LRP1B: variants seen among roughly 807,000 people sequenced by gnomAD.
LRP1B encodes low-density lipoprotein receptor-related protein 1B.
A neutral mutation model predicts 556.6 loss-of-function variants in LRP1B; 217 were observed. That is an observed-to-expected ratio of 0.39 (90% CI 0.35 to 0.44). The LOEUF (loss-of-function observed/expected upper bound fraction) is 0.44. Ranked by LOEUF, LRP1B falls within the 20% of genes least tolerant of loss-of-function variation. The probability of loss-of-function intolerance (pLI) is 1.00; values close to 1 mark genes in which losing one functional copy is unlikely to be tolerated. For synonymous variants in LRP1B, 2,047 were observed against 1,865.8 expected, an observed-to-expected ratio of 1.10 and a Z score of -2.50; for missense variants, 5,053 against 5,620.8, an observed-to-expected ratio of 0.90 and a Z score of 3.23.
intron 79 of LRP1B, among the ~76,000 whole-genome samples, chr2:140,330,477 A>G (rs1431971265): frequency 6.6e-6 from 1 of 151,888 alleles, no homozygotes; most frequent in Non-Finnish European, 1.5e-5. Flanking sequence ...TGGGGAAAGG[A>G]GTTTGTATTT....
intron 2 of LRP1B, among the ~76,000 whole-genome samples, chr2:141,557,925 C>T (rs531932207): frequency 1.3e-5 from 2 of 151,904 alleles, no homozygotes; most frequent in South Asian, 4.1e-4. Context: ...CCTTATTCAG[C>T]CACAGCCACC....
At chr2:141,536,582 TGA>T (rs952015966) in intron 2 of LRP1B, among the ~76,000 whole-genome samples, 1 of 152,070 alleles carries the variant, frequency 6.6e-6, no homozygotes, top group African/African-American at 2.4e-5. Context: ...TAGAAATTCA[TGA>T]GAGGGTCAAG....
chr2:141,573,213 G>A (rs1686599444), intron 2 of LRP1B, among the ~76,000 whole-genome samples: 1 of 152,116 alleles, frequency 6.6e-6, no homozygotes, highest in Non-Finnish European at 1.5e-5. Flanking sequence ...ACACTCCTCA[G>A]CAAATGCAAA....
chr2:140,267,248 T>C (rs769144965), intron 86 of LRP1B, among the ~76,000 whole-genome samples: 3 of 151,992 alleles, frequency 2.0e-5, no homozygotes, highest in Non-Finnish European at 4.4e-5. Context: ...AGTAAAGGAA[T>C]TGATGAATAA....
chr2:140,849,385 A>C (rs1449468224), intron 29 of LRP1B, among the ~76,000 whole-genome samples: 3 of 74,920 alleles, frequency 4.0e-5, no homozygotes, highest in Non-Finnish European at 6.2e-5. Flanking sequence ...AAAAAAACAA[A>C]AAACAAAAAA....
At chr2:140,732,150 G>C (rs961783347) in intron 35 of LRP1B, among the ~76,000 whole-genome samples, 19 of 151,648 alleles carry the variant, frequency 1.3e-4, no homozygotes, top group African/African-American at 4.4e-4. Context: ...ATGGGTACGT[G>C]GGAGGGGTTC....
intron 43 of LRP1B, among the ~76,000 whole-genome samples, chr2:140,553,891 G>T (rs2105058084): frequency 6.6e-6 from 1 of 152,118 alleles, no homozygotes. Flanking sequence ...TTTAAAGAAT[G>T]AATCCCTTTG....
rs1446410743 is a variant in LRP1B at position 140,233,155 on chromosome 2, C to T, written c.*31G>A. ...ACAAAAGTAATCCTTATATTTTATA[C>T]ATTTATACAGCATATAAAAGATATC... On this transcript the variant is annotated 3_prime_UTR_variant, in exon 91 of 91. Transcript: ENST00000389484. 4 of 1,440,130 alleles carry T rather than the reference C, an allele frequency of 2.8e-6. No individual in the cohort carries two copies. In the African/African-American group the frequency reaches 4.3e-5, roughly 15 times the overall value. The allele number at this position is 1,440,130 out of a possible 1,614,324, so 89.2% of individuals were successfully genotyped here. A position where few individuals can be genotyped will look rare whatever the true frequency, so the allele number is the denominator to read the frequency against.
intron 86 of LRP1B, among the ~76,000 whole-genome samples, chr2:140,259,226 T>G (rs1159259201): frequency 6.6e-6 from 1 of 152,146 alleles, no homozygotes; most frequent in Non-Finnish European, 1.5e-5. Flanking sequence ...GGACGGGGGA[T>G]ATACCTGACT....
intron 2 of LRP1B, among the ~76,000 whole-genome samples, chr2:141,803,787 C>A (rs2105693318): frequency 6.6e-6 from 1 of 152,216 alleles, no homozygotes; most frequent in Admixed American, 6.5e-5. Context: ...TATTTTATTT[C>A]TCTGACCTAT....
rs139513807 is a variant in LRP1B, at chr2:141,341,091, A to G, written c.344-86450T>C. Among the ~76,000 whole-genome samples the G allele has an allele frequency of 3.3e-5, 5 of 152,326 alleles. No homozygotes were observed. The East Asian group carries it at 9.7e-4, about 29-fold the overall frequency. ...AAAAGATAGCATTTATGGATGAGTT[A>G]CTTATATTAATCCATAGCTGTCACT... is the stretch of plus-strand genomic sequence containing the variant. On this transcript the variant is annotated intron_variant, in intron 3 of 90. Transcript: ENST00000389484.
chr2:141,891,894 A>G (rs1297682943), intron 1 of LRP1B, among the ~76,000 whole-genome samples: 2 of 152,134 alleles, frequency 1.3e-5, no homozygotes, highest in Non-Finnish European at 2.9e-5. Context: ...TTCTACAGAC[A>G]GATCAAGACA....
At chr2:140,859,770 G>A (rs1189220236) in intron 27 of LRP1B, among the ~76,000 whole-genome samples, 7 of 151,908 alleles carry the variant, frequency 4.6e-5, no homozygotes, top group South Asian at 2.1e-4. Flanking sequence ...CGAGGTGGGC[G>A]GATCATGAGG....
At chr2:141,005,484 C>T (rs2105374154) in intron 14 of LRP1B, 27 bp from the exon 15 acceptor site, 2 of 1,605,666 alleles carry the variant, frequency 1.2e-6, no homozygotes, top group Non-Finnish European at 1.7e-6. Context: ...GCAAATGTGT[C>T]AGAGAACTCT....
chr2:140,324,136 C>A (rs1680323253), intron 80 of LRP1B, 70 bp from the exon 81 acceptor site: 3 of 933,870 alleles, frequency 3.2e-6, no homozygotes, highest in Non-Finnish European at 4.9e-6. Context: ...TATGTTTATC[C>A]AAGACGATAT....
intron 1 of LRP1B, among the ~76,000 whole-genome samples, chr2:141,912,030 CT>C (rs1699919044): frequency 2.0e-5 from 3 of 152,174 alleles, no homozygotes; most frequent in Admixed American, 1.3e-4. Context: ...GTCTTTTCTT[CT>C]CTATGTAATG....
At chr2:140,456,773 C>G (rs1453838833) in intron 61 of LRP1B, among the ~76,000 whole-genome samples, 170 bp from the exon 62 acceptor site, 1 of 152,146 alleles carries the variant, frequency 6.6e-6, no homozygotes, top group African/African-American at 2.4e-5. Context: ...ACAAATGCTA[C>G]TCATTGTCCA....
intron 2 of LRP1B, among the ~76,000 whole-genome samples, chr2:141,649,991 G>T (rs922952987): frequency 6.6e-6 from 1 of 152,110 alleles, no homozygotes; most frequent in African/African-American, 2.4e-5. Context: ...ACCAGCCTGG[G>T]CAACATGGTG....
intron 43 of LRP1B, among the ~76,000 whole-genome samples, chr2:140,592,348 G>A (rs889779776): frequency 6.6e-6 from 1 of 151,988 alleles, no homozygotes; most frequent in African/African-American, 2.4e-5. Flanking sequence ...CCTAATCTGT[G>A]AAATAATACT....
Sources: allele counts gnomAD v4.1 joint callset (sites outside exome capture counted in the v4.1 genomes callset), GRCh38; gene constraint gnomAD v4.1.1; transcripts MANE v1.5; gene names NCBI Gene and HGNC (gene_info 2026-07-23, HGNC 2026-07-21).